The following OSBPL1A variants were observed in gnomAD, a reference collection of about 807,000 sequenced individuals.
OSBPL1A encodes the protein oxysterol-binding protein-related protein 1.
In OSBPL1A, 80 loss-of-function variants were observed where a neutral mutation model predicts 137.1. That is an observed-to-expected ratio of 0.58 (90% CI 0.49 to 0.70). The LOEUF (loss-of-function observed/expected upper bound fraction) is 0.70, where lower values mean the gene tolerates loss of function less well. Ranked by LOEUF, OSBPL1A falls within the 30% of genes least tolerant of loss-of-function variation. The pLI, the probability that OSBPL1A is intolerant of heterozygous loss-of-function variation, is 0.00. For synonymous variants in OSBPL1A, 365 were observed against 389.7 expected, an observed-to-expected ratio of 0.94 and a Z score of 0.75; for missense variants, 970 against 1,129.4, an observed-to-expected ratio of 0.86 and a Z score of 2.02.
intron 15 of OSBPL1A, among the ~76,000 whole-genome samples, chr18:24,250,652 T>C (rs2089058321): frequency 6.6e-6 from 1 of 152,246 alleles, no homozygotes; most frequent in Admixed American, 6.5e-5. Flanking sequence ...AGAGACTTGC[T>C]GGCTTCAGGT....
intron 18 of OSBPL1A, among the ~76,000 whole-genome samples, chr18:24,193,201 T>C (rs1341613788): frequency 1.3e-5 from 2 of 152,116 alleles, no homozygotes; most frequent in Non-Finnish European, 2.9e-5. Context: ...ATCAGAAACA[T>C]GCAGGCTGGG....
intron 4 of OSBPL1A, chr18:24,357,797 T>C (rs1326656509): frequency 6.6e-6 from 1 of 152,210 alleles, no homozygotes; most frequent in Admixed American, 6.6e-5. Flanking sequence ...AGTAAATTTT[T>C]AGAAGTTCAC....
intron 17 of OSBPL1A, among the ~76,000 whole-genome samples, chr18:24,220,323 T>C (rs1477221160): frequency 6.6e-6 from 1 of 152,232 alleles, no homozygotes; most frequent in Non-Finnish European, 1.5e-5. Flanking sequence ...CTTTTCTCGC[T>C]TGGGAGAGTT....
chr18:24,206,918 G>C (rs575211134), intron 17 of OSBPL1A, among the ~76,000 whole-genome samples: 1 of 152,300 alleles, frequency 6.6e-6, no homozygotes, highest in Non-Finnish European at 1.5e-5. Context: ...TCTGAGATTA[G>C]AGACTATGTC....
chr18:24,298,862 A>G (rs1489359881), intron 14 of OSBPL1A, among the ~76,000 whole-genome samples: 22 of 151,820 alleles, frequency 1.4e-4, no homozygotes, highest in Admixed American at 1.4e-3. Flanking sequence ...GTTGCTGTCT[A>G]TCTCATTTCT....
At chr18:24,260,132 C>T (rs2089407086) in intron 15 of OSBPL1A, among the ~76,000 whole-genome samples, 1 of 151,976 alleles carries the variant, frequency 6.6e-6, no homozygotes. Context: ...TTCACACCTA[C>T]TAGAATGGCT....
intron 14 of OSBPL1A, among the ~76,000 whole-genome samples, chr18:24,297,167 C>CT (rs912696238): frequency 6.6e-6 from 1 of 152,086 alleles, no homozygotes; most frequent in African/African-American, 2.4e-5. Context: ...CTGATTCAAT[C>CT]TAACTGCTTA....
intron 16 of OSBPL1A, among the ~76,000 whole-genome samples, chr18:24,227,020 T>C (rs1399453398): frequency 4.0e-5 from 6 of 150,838 alleles, no homozygotes; most frequent in African/African-American, 9.8e-5. Flanking sequence ...ACCTCCCGAG[T>C]AGCTGGGACT....
chr18:24,188,002 AT>A lies in OSBPL1A; in HGVS notation c.1678-6724del, dbSNP rs35569364. 4.9e-3 allele frequency among the ~76,000 whole-genome samples: 749 copies of A among 152,314 alleles called. 1 individual carries two copies. Among genetic ancestry groups the A allele is most frequent in the Non-Finnish European group, 8.3e-3 (562 of 68,034 alleles). On this transcript the variant is annotated intron_variant, in intron 18 of 27. Transcript: ENST00000319481. ...TGTACACAACAGCAGGGTGGGATTG[AT>A]CATAAAGAAACTTTAAAAGTTTATT...
chr18:24,339,020 C>A (rs1277674190), intron 5 of OSBPL1A, among the ~76,000 whole-genome samples: 1 of 151,768 alleles, frequency 6.6e-6, no homozygotes, highest in Non-Finnish European at 1.5e-5. Flanking sequence ...CCCTCCCAGG[C>A]TAGAGTGCAG....
At chr18:24,171,242 G>T (rs1599428252) in intron 23 of OSBPL1A, among the ~76,000 whole-genome samples, 167 bp downstream of exon 23, 1 of 150,650 alleles carries the variant, frequency 6.6e-6, no homozygotes. Flanking sequence ...TACTATGTTG[G>T]CCAGGCTGGT....
chr18:24,166,451 C>G (rs2086147578), intron 26 of OSBPL1A, 128 bp downstream of exon 26: 1 of 1,181,110 alleles, frequency 8.5e-7, no homozygotes, highest in Middle Eastern at 2.1e-4. Flanking sequence ...AATGTTAACT[C>G]AAACTTAATC....
intron 1 of OSBPL1A, among the ~76,000 whole-genome samples, chr18:24,388,921 TATTTA>T (rs375841320): frequency 2.0e-5 from 3 of 152,044 alleles, no homozygotes; most frequent in African/African-American, 7.2e-5. Context: ...ATTCGTAAAC[TATTTA>T]ATTTCCATTA....
At chr18:24,369,694 A>T (rs997504395) in intron 2 of OSBPL1A, among the ~76,000 whole-genome samples, 5 of 152,132 alleles carry the variant, frequency 3.3e-5, no homozygotes, top group African/African-American at 4.8e-5. Context: ...ATTGTTTGCC[A>T]TTTACCCAAA....
chr18:24,246,569 T>C (rs1449410695), intron 15 of OSBPL1A, among the ~76,000 whole-genome samples: 2 of 151,928 alleles, frequency 1.3e-5, no homozygotes, highest in African/African-American at 4.8e-5. Flanking sequence ...GGTGGGCGGA[T>C]CACCGGAGGC....
intron 18 of OSBPL1A, 42 bp from the exon 19 acceptor site, chr18:24,181,321 T>C (rs1233631361): frequency 1.3e-6 from 2 of 1,594,910 alleles, no homozygotes; most frequent in Admixed American, 3.4e-5. Context: ...CCCATATACA[T>C]AACAAACAAA....
At chr18:24,222,127 G>C (rs369570119) in intron 17 of OSBPL1A, among the ~76,000 whole-genome samples, 2 of 151,622 alleles carry the variant, frequency 1.3e-5, no homozygotes, top group South Asian at 2.1e-4. Context: ...TTATTATCAA[G>C]TAGTTTAAGT....
At chr18:24,223,286 CTCTA>C (rs958680417) in intron 17 of OSBPL1A, among the ~76,000 whole-genome samples, 157 of 152,102 alleles carry the variant, frequency 1.0e-3, no homozygotes, top group African/African-American at 3.1e-3. Flanking sequence ...GTGGCATATG[CTCTA>C]TCTATTTGAT....
At chr18:24,334,873 T>C (rs568488370) in intron 5 of OSBPL1A, among the ~76,000 whole-genome samples, 15 of 152,328 alleles carry the variant, frequency 9.8e-5, no homozygotes, top group African/African-American at 3.1e-4. Context: ...TTGCAGCCTC[T>C]GCACAGGACA....
Sources: allele counts gnomAD v4.1 joint callset (sites outside exome capture counted in the v4.1 genomes callset), GRCh38; gene constraint gnomAD v4.1.1; transcripts MANE v1.5; gene names NCBI Gene and HGNC (gene_info 2026-07-23, HGNC 2026-07-21).